PWWP2A: variants seen among roughly 807,000 people sequenced by gnomAD.
PWWP2A encodes PWWP domain containing 2A.
In PWWP2A, 18 loss-of-function variants were observed where a neutral mutation model predicts 48.5. The ratio of observed to expected loss-of-function variants is 0.37; its 90% CI spans 0.26 to 0.55. The LOEUF (loss-of-function observed/expected upper bound fraction) is 0.55, where lower values mean the gene tolerates loss of function less well. Among genes scored for constraint, PWWP2A ranks in the 20% least tolerant of loss-of-function variants. The probability of loss-of-function intolerance (pLI) is 0.81; values close to 1 mark genes in which losing one functional copy is unlikely to be tolerated. For missense variants in PWWP2A, 867 were observed against 976.4 expected, an observed-to-expected ratio of 0.89 and a Z score of 1.49; for synonymous variants, 396 against 387.7, an observed-to-expected ratio of 1.02 and a Z score of -0.25.
chr5:160,086,919 G>T (rs1181093392), downstream of PWWP2A, among the ~76,000 whole-genome samples: 2 of 151,978 alleles, frequency 1.3e-5, no homozygotes, highest in African/African-American at 4.8e-5. Flanking sequence ...AAATTTACTT[G>T]CTTTTTCCAC....
chr5:160,050,701 C>G, the PWWP2A span, among the ~76,000 whole-genome samples: 10 of 147,306 alleles, frequency 6.8e-5, no homozygotes, highest in African/African-American at 2.3e-4. Context: ...TCATGGCATA[C>G]TGCACCCTCA....
chr5:160,115,852 C>CA lies in PWWP2A; in HGVS notation c.584+2952dup, dbSNP rs565592983. On this transcript the variant is annotated intron_variant, in intron 1 of 1. Transcript: ENST00000307063. ...AGACCCTGCCTCCTAAAAACAAAAA[C>CA]AAAAAAAAACACTGTCTCCTGGATC... 3.1e-4 allele frequency among the ~76,000 whole-genome samples: 47 copies of CA among 149,516 alleles called. No individual in the cohort carries two copies. In the South Asian group the frequency reaches 5.7e-3, roughly 18 times the overall value.
chr5:160,081,667 AAC>A (rs1259430328), intron 2 of PWWP2A, among the ~76,000 whole-genome samples: 2 of 152,262 alleles, frequency 1.3e-5, no homozygotes, highest in African/African-American at 4.8e-5. Context: ...TCGTTGAAAT[AAC>A]AGTTATAACA....
intron 1 of PWWP2A, among the ~76,000 whole-genome samples, chr5:160,108,034 A>G (rs1479102291): frequency 6.6e-6 from 1 of 152,212 alleles, no homozygotes; most frequent in African/African-American, 2.4e-5. Flanking sequence ...CAAGTCCAAT[A>G]AAACATGCCT....
chr5:160,048,808 G>C, the PWWP2A span, among the ~76,000 whole-genome samples: 2 of 152,068 alleles, frequency 1.3e-5, no homozygotes, highest in Non-Finnish European at 2.9e-5. Flanking sequence ...AAAATTAGCC[G>C]GGCATGGTGG....
At chr5:160,108,033 T>A (rs971588061) in intron 1 of PWWP2A, among the ~76,000 whole-genome samples, 1 of 152,092 alleles carries the variant, frequency 6.6e-6, no homozygotes, top group African/African-American at 2.4e-5. Context: ...CCAAGTCCAA[T>A]AAAACATGCC....
intron 1 of PWWP2A, among the ~76,000 whole-genome samples, chr5:160,113,874 G>A (rs1757835698): frequency 6.6e-6 from 1 of 152,150 alleles, no homozygotes; most frequent in South Asian, 2.1e-4. Context: ...TTTCTAATAT[G>A]CAAGTAGAAA....
intron 1 of PWWP2A, among the ~76,000 whole-genome samples, chr5:160,117,586 G>A (rs1758268583): frequency 6.6e-6 from 1 of 152,096 alleles, no homozygotes; most frequent in Admixed American, 6.6e-5. Flanking sequence ...GAACCCAGGA[G>A]GCGGAGGTTG....
chr5:160,093,624 T>C lies in PWWP2A; in HGVS notation c.1026A>G (p.Ala342=), dbSNP rs770388578. 1 of 1,614,044 alleles carries C rather than the reference T, an allele frequency of 6.2e-7. No individual in the cohort carries two copies. The highest frequency in any genetic ancestry group is 1.1e-5 in the South Asian group (1 of 91,088). ...TATCTTCATATTTAGAAGAGTCAGT[T>C]GCACTACTACCTTTTCTAATTTCCT... The part of the protein sequence containing the change: ...EKKEIRKGSS[A]TDSSKYEDKK... Residue 342 remains alanine (A), a synonymous_variant, in exon 2 of 2, where the codon GCA becomes GCG. Coordinates refer to ENST00000307063, the MANE Select transcript of PWWP2A (RefSeq NM_001130864.2). This position sits in a 1 kb window ranked among gnomAD's most constrained non-coding sequence, Gnocchi z 5.8.
chr5:160,064,767 G>C (rs2113431110), intron 4 of PWWP2A, among the ~76,000 whole-genome samples: 1 of 152,306 alleles, frequency 6.6e-6, no homozygotes. Flanking sequence ...GGGAATAGGG[G>C]CTGGGAACTC....
chr5:160,104,815 A>AAAAC (rs966952286), intron 1 of PWWP2A, among the ~76,000 whole-genome samples: 2 of 152,282 alleles, frequency 1.3e-5, no homozygotes, highest in East Asian at 3.9e-4. Context: ...AAAAAAAACA[A>AAAAC]AAACAAACAA....
intron 1 of PWWP2A, among the ~76,000 whole-genome samples, chr5:160,101,076 T>A (rs1756231297): frequency 6.6e-6 from 1 of 152,060 alleles, no homozygotes; most frequent in Admixed American, 6.5e-5. Context: ...ATAGGCTGGG[T>A]GTGGTGGCTC....
chr5:160,117,959 G>T, intron 1 of PWWP2A: 1 of 737,294 alleles, frequency 1.4e-6, no homozygotes, highest in Non-Finnish European at 1.7e-6. Context: ...GTTAACTCCA[G>T]ACTTAGAACA....
At chr5:160,090,758 T>C (rs1754996519), downstream of PWWP2A, 5 of 962,754 alleles carry the variant, frequency 5.2e-6, no homozygotes, top group Middle Eastern at 5.3e-4. Context: ...TGCTAAATTT[T>C]AAATTTCTAA....
the PWWP2A span, among the ~76,000 whole-genome samples, chr5:160,050,867 C>T: frequency 6.6e-6 from 1 of 152,058 alleles, no homozygotes; most frequent in African/African-American, 2.4e-5. Flanking sequence ...CTCAAGCGAT[C>T]CTCCCAACTC....
intron 1 of PWWP2A, among the ~76,000 whole-genome samples, chr5:160,098,962 A>G (rs927402143): frequency 1.3e-5 from 2 of 152,130 alleles, no homozygotes; most frequent in African/African-American, 4.8e-5. Context: ...AAACAAAACA[A>G]AACAAAACCC....
chr5:160,064,986 A>G, intron 4 of PWWP2A: 1 of 1,614,080 alleles, frequency 6.2e-7, no homozygotes, highest in Non-Finnish European at 8.5e-7. Flanking sequence ...CTCTCCACGG[A>G]AAATTTCCAG....
rs1266867211 is a variant in PWWP2A at position 160,078,310 on chromosome 5, G to A, written c.1670-142C>T. The A allele has an allele frequency of 1.1e-5, 7 of 642,506 alleles. No homozygotes were observed. The highest frequency in any genetic ancestry group is 3.5e-4 in the Middle Eastern group (1 of 2,818). The allele number at this position is 642,506 out of a possible 1,614,324, so 39.8% of individuals were successfully genotyped here. On this transcript the variant is annotated intron_variant, in intron 3 of 3. Coordinates refer to the PWWP2A transcript ENST00000456329. The surrounding 1 kb of genome is among the most constrained non-coding windows in gnomAD (Gnocchi z 4.2). ...TCTTTTAAATCGGTTAAACCTGACC[G>A]ATGTTGTTTTGAGAAAACAACTTAC...
At chr5:160,100,146 C>A (rs568089410) in intron 1 of PWWP2A, among the ~76,000 whole-genome samples, 37 of 151,130 alleles carry the variant, frequency 2.4e-4, no homozygotes, top group Admixed American at 1.8e-3. Flanking sequence ...ACTAAAAATA[C>A]AAAAATGAGC....
Sources: gnomAD v4.1 joint callset for allele counts (sites outside exome capture counted in the v4.1 genomes callset) on GRCh38, gnomAD v4.1.1 for gene constraint, Gnocchi (gnomAD v3.1) non-coding constraint, MANE v1.5 for transcripts, NCBI Gene and HGNC (gene_info 2026-07-23, HGNC 2026-07-21) for gene names.